EPHA4: variants seen among roughly 807,000 people sequenced by gnomAD.
EPHA4 encodes ephrin type-A receptor 4.
Under a neutral mutation model 108.3 loss-of-function variants are expected in EPHA4, and 19 were observed. The ratio of observed to expected loss-of-function variants is 0.18; its 90% CI spans 0.12 to 0.26. The LOEUF is 0.26. Ranked by LOEUF, EPHA4 falls within the 10% of genes least tolerant of loss-of-function variation. The pLI, the probability that EPHA4 is intolerant of heterozygous loss-of-function variation, is 1.00. For synonymous variants in EPHA4, 449 were observed against 455.5 expected (o/e 0.99, Z 0.18); for missense variants, 917 against 1,254.0 (o/e 0.73, Z 4.06).
At chr2:221,545,008 C>A (rs1446878072) in intron 3 of EPHA4, among the ~76,000 whole-genome samples, 1 of 152,168 alleles carries the variant, frequency 6.6e-6, no homozygotes, top group East Asian at 1.9e-4. Context: ...AAATAAATTG[C>A]TGTTGTTTAA....
chr2:221,539,677 G>A (rs1233635956), intron 3 of EPHA4, among the ~76,000 whole-genome samples: 2 of 152,114 alleles, frequency 1.3e-5, no homozygotes, highest in African/African-American at 4.8e-5. Context: ...CCCCAGTAAC[G>A]CGGAGTAGTC....
chr2:221,523,699 T>C (rs1462831381), intron 3 of EPHA4, among the ~76,000 whole-genome samples: 2 of 151,126 alleles, frequency 1.3e-5, no homozygotes, highest in African/African-American at 2.4e-5. Flanking sequence ...GTTCCAGAAA[T>C]TCTCCTGCTT....
chr2:221,520,541 CACAGAG>C (rs771854621), intron 3 of EPHA4, among the ~76,000 whole-genome samples: 584 of 34,962 alleles, frequency 0.017, 9 homozygotes, highest in African/African-American at 0.079. Context: ...CACACACACA[CACAGAG>C]AGAGAGAGAG....
At chr2:221,482,106 C>T (rs941204712) in intron 5 of EPHA4, among the ~76,000 whole-genome samples, 1 of 152,054 alleles carries the variant, frequency 6.6e-6, no homozygotes, top group African/African-American at 2.4e-5. Context: ...GGGGTGTCAT[C>T]GTGTTGCCCA....
intron 3 of EPHA4, among the ~76,000 whole-genome samples, chr2:221,513,467 C>T (rs568791413): frequency 1.3e-5 from 2 of 152,284 alleles, no homozygotes; most frequent in African/African-American, 4.8e-5. Context: ...GAAATGACTG[C>T]AGTAATAAGT....
chr2:221,475,173 C>T (rs1328285934), intron 5 of EPHA4, among the ~76,000 whole-genome samples: 1 of 152,034 alleles, frequency 6.6e-6, no homozygotes. Context: ...ACCAGGCTAA[C>T]ATAGAATTAT....
intron 4 of EPHA4, among the ~76,000 whole-genome samples, chr2:221,486,751 A>AATAATAATG (rs1278839020): frequency 1.4e-5 from 2 of 147,434 alleles, no homozygotes; most frequent in African/African-American, 2.5e-5. Context: ...TAATAATAAT[A>AATAATAATG]ATAATAATAA....
intron 3 of EPHA4, among the ~76,000 whole-genome samples, chr2:221,561,466 T>C (rs560469413): frequency 6.6e-6 from 1 of 152,028 alleles, no homozygotes; most frequent in African/African-American, 2.4e-5. Flanking sequence ...AAAAACAAAC[T>C]TGGTTGACAC....
At chr2:221,499,729 TA>T (rs1559267530) in intron 4 of EPHA4, among the ~76,000 whole-genome samples, 1 of 43,188 alleles carries the variant, frequency 2.3e-5, no homozygotes, top group Non-Finnish European at 4.3e-5. Flanking sequence ...TATATATATA[TA>T]TATATATATA....
At chr2:221,505,429 G>T (rs950158043) in intron 3 of EPHA4, among the ~76,000 whole-genome samples, 1 of 151,960 alleles carries the variant, frequency 6.6e-6, no homozygotes, top group African/African-American at 2.4e-5. Context: ...GGGTTCAAGC[G>T]ATTCCCCTGC....
chr2:221,445,748 T>C (rs1690574958), intron 9 of EPHA4, among the ~76,000 whole-genome samples: 1 of 152,146 alleles, frequency 6.6e-6, no homozygotes, highest in South Asian at 2.1e-4. Flanking sequence ...CCCTGGGAAG[T>C]AGCAATTACT....
chr2:221,494,246 A>G (rs1692239940), intron 4 of EPHA4, among the ~76,000 whole-genome samples: 1 of 152,220 alleles, frequency 6.6e-6, no homozygotes, highest in South Asian at 2.1e-4. Flanking sequence ...TGCAAAGCCA[A>G]TTTACTACCT....
chr2:221,499,735 TATATATATATATATATATA>T (rs1559267574), intron 4 of EPHA4, among the ~76,000 whole-genome samples: 3 of 49,430 alleles, frequency 6.1e-5, no homozygotes, highest in African/African-American at 3.4e-4. Flanking sequence ...TATATATATA[TATATATATATATATATATA>T]TATTTTTTTT....
intron 3 of EPHA4, among the ~76,000 whole-genome samples, chr2:221,547,643 C>T (rs1047815825): frequency 1.3e-5 from 2 of 152,186 alleles, no homozygotes; most frequent in African/African-American, 4.8e-5. Flanking sequence ...TTACGGGGCA[C>T]TCTTAACAAG....
chr2:221,512,734 TGC>T lies in EPHA4; in HGVS notation c.824-11564_824-11563del, dbSNP rs1692866030. On this transcript the variant is annotated intron_variant, in intron 3 of 17. Coordinates refer to ENST00000281821, the MANE Select transcript of EPHA4 (RefSeq NM_004438.5). The stretch of plus-strand genomic sequence containing the variant: ...GAAATTTCATCCCTTATTAGGTATG[TGC>T]ATTTATTCATTCATTGGGCCATTTA... 3.3e-5 allele frequency among the ~76,000 whole-genome samples: 5 copies of T among 152,358 alleles called. No homozygotes were observed. The South Asian group carries it at 8.3e-4, about 25-fold the overall frequency.
Position 221,436,598 on chromosome 2 carries a change from C to G in EPHA4, c.2147G>C (p.Gly716Ala). ...SLDAFLRKND[G>A]RFTVIQLVGM... ...CACCAGCTGAATGACTGTAAATCTGCCATCATTTTTCTGCATAGAAAAGGA... is the reference window on the plus strand; with the variant it reads ...CACCAGCTGAATGACTGTAAATCTGGCATCATTTTTCTGCATAGAAAAGGA... Residue 716 changes from glycine to alanine, a missense_variant, in exon 13 of 18, where the codon GGC (glycine) becomes GCC (alanine). By Grantham distance (60) the Gly-to-Ala change is moderately conservative (BLOSUM62 0). Around this residue, in one of 3 missense-constraint regions of EPHA4, gnomAD observed 758 missense variants for 1,076.7 expected, o/e 0.70. Coordinates refer to ENST00000281821, the MANE Select transcript of EPHA4 (RefSeq NM_004438.5). 1 of 1,614,038 alleles carries G rather than the reference C, an allele frequency of 6.2e-7. No homozygotes were observed. Among genetic ancestry groups the G allele is most frequent in the South Asian group, 1.1e-5 (1 of 91,084 alleles).
intron 6 of EPHA4, among the ~76,000 whole-genome samples, chr2:221,457,181 C>T (rs1002169989): frequency 1.3e-5 from 2 of 152,108 alleles, no homozygotes; most frequent in Admixed American, 6.6e-5. Flanking sequence ...TGGGAAAATC[C>T]TGTCCCTTTT....
chr2:221,466,961 A>G (rs1430214), intron 5 of EPHA4, among the ~76,000 whole-genome samples: 143,009 of 152,202 alleles, frequency 0.94, 67,293 homozygotes, highest in East Asian at 1. Flanking sequence ...AGCAGCAACA[A>G]CGTAAATCTT....
chr2:221,446,449 T>C lies in EPHA4; in HGVS notation c.1716-268A>G, dbSNP rs182094525. On this transcript the variant is annotated intron_variant, in intron 8 of 17. Coordinates refer to ENST00000281821, the MANE Select transcript of EPHA4 (RefSeq NM_004438.5). The stretch of plus-strand genomic sequence containing the variant: ...AGGTTAAAGCAAATATTTTATAATA[T>C]AATTATAATTTAAAATCTCTCAGAG... 1.4e-3 allele frequency among the ~76,000 whole-genome samples: 219 copies of C among 152,220 alleles called. 1 individual carries two copies. The highest frequency in any genetic ancestry group is 1.7e-3 in the Non-Finnish European group (113 of 68,012).
Sources: allele counts gnomAD v4.1 joint callset (sites outside exome capture counted in the v4.1 genomes callset), GRCh38; gene constraint gnomAD v4.1.1; regional missense constraint gnomAD v4.1.1; transcripts MANE v1.5; gene names NCBI Gene and HGNC (gene_info 2026-07-23, HGNC 2026-07-21).